CFAP77: variants seen among roughly 807,000 people sequenced by gnomAD.
CFAP77 encodes cilia- and flagella-associated protein 77.
CFAP77 carries 25 observed loss-of-function variants against 31.1 expected under a neutral mutation model. The ratio of observed to expected loss-of-function variants is 0.80; its 90% CI spans 0.59 to 1.12. CFAP77 has a LOEUF of 1.12. Among genes scored for constraint, CFAP77 ranks in the 50% most tolerant of loss-of-function variants. CFAP77 has a pLI of 0.00. For synonymous variants in CFAP77, 151 were observed against 159.9 expected (o/e 0.94, Z 0.42); for missense variants, 377 against 397.3 (o/e 0.95, Z 0.44).
At chr9:132,435,060 G>A (rs190104123) in intron 1 of CFAP77, among the ~76,000 whole-genome samples, 1 of 152,228 alleles carries the variant, frequency 6.6e-6, no homozygotes, top group Non-Finnish European at 1.5e-5. Flanking sequence ...ATGGACTCAA[G>A]TGGATCCCTT....
intron 1 of CFAP77, among the ~76,000 whole-genome samples, chr9:132,444,810 A>G (rs1427584978): frequency 6.6e-6 from 1 of 152,178 alleles, no homozygotes; most frequent in Non-Finnish European, 1.5e-5. Context: ...GTTACGTGGC[A>G]TTAAATGCTG....
At position 132,481,755 on chromosome 9, in the gene CFAP77, G is replaced by T. The variant is rs530883913; in HGVS notation, c.196-16940G>T. Among the ~76,000 whole-genome samples the T allele has an allele frequency of 8.5e-5, 13 of 152,170 alleles. No individual in the cohort carries two copies. The highest frequency in any genetic ancestry group is 1.9e-4 in the Non-Finnish European group (13 of 68,032). On this transcript the variant is annotated intron_variant, in intron 1 of 5. Coordinates refer to ENST00000393216, the MANE Select transcript of CFAP77 (RefSeq NM_001282957.2). This position sits in a 1 kb window ranked among gnomAD's most constrained non-coding sequence, Gnocchi z 5.0. ...TATTAACAGGCTTCGTTTTAGGGAC[G>T]CCTCCTCCGCCTCAGCTATCTGCTA...
At chr9:132,486,004 A>ATGTGTG (rs1342903703) in intron 1 of CFAP77, among the ~76,000 whole-genome samples, 335 of 10,646 alleles carry the variant, frequency 0.031, 44 homozygotes, top group East Asian at 0.096. Context: ...ATATATATAT[A>ATGTGTG]TATATATATA....
intron 1 of CFAP77, among the ~76,000 whole-genome samples, chr9:132,476,754 C>T (rs867793793): frequency 6.6e-6 from 1 of 152,068 alleles, no homozygotes; most frequent in Non-Finnish European, 1.5e-5. Context: ...AGCCACAAGC[C>T]AAGGAGCACC....
chr9:132,505,870 A>G (rs906760775), intron 3 of CFAP77, among the ~76,000 whole-genome samples: 7 of 152,056 alleles, frequency 4.6e-5, no homozygotes, highest in Non-Finnish European at 8.8e-5. Flanking sequence ...GATTGTCTCG[A>G]TCCCTCAGCT....
intron 1 of CFAP77, among the ~76,000 whole-genome samples, chr9:132,444,077 C>G (rs1438182270): frequency 6.6e-6 from 1 of 152,250 alleles, no homozygotes; most frequent in Non-Finnish European, 1.5e-5. Context: ...GAGCAGCCAC[C>G]AGGGTGAAGG....
At chr9:132,546,630 C>A (rs1852736292) in intron 5 of CFAP77, among the ~76,000 whole-genome samples, 1 of 152,250 alleles carries the variant, frequency 6.6e-6, no homozygotes. Context: ...ACCCGGGCCA[C>A]TTACAGGGTC....
At chr9:132,457,309 T>TGGGGGGGGGGGGGGGGGG (rs5900982) in intron 1 of CFAP77, among the ~76,000 whole-genome samples, 3 of 51,918 alleles carry the variant, frequency 5.8e-5, no homozygotes, top group African/African-American at 3.5e-4. Context: ...GGGACGGGGG[T>TGGGGGGGGGGGGGGGGGG]GGGGGGGCGG....
Position 132,490,287 on chromosome 9 carries a change from G to A in CFAP77, c.196-8408G>A, listed in dbSNP as rs1035376805. ...TAAGTTTCAGCATGACTTTGGAGGC[G>A]ATAAAAACATTCAGACCATAGCACC... On this transcript the variant is annotated intron_variant, in intron 1 of 5. Transcript: ENST00000393216. This position sits in a 1 kb window ranked among gnomAD's most constrained non-coding sequence, Gnocchi z 4.6. 3.9e-5 allele frequency among the ~76,000 whole-genome samples: 6 copies of A among 152,118 alleles called. No individual in the cohort carries two copies. Among genetic ancestry groups the A allele is most frequent in the African/African-American group, 9.7e-5 (4 of 41,408 alleles).
intron 1 of CFAP77, among the ~76,000 whole-genome samples, chr9:132,437,496 CTTTTGCATTTTTTTTTTT>C (rs1850523663): frequency 7.0e-6 from 1 of 143,840 alleles, no homozygotes; most frequent in Non-Finnish European, 1.5e-5. Context: ...GGCGGGACCA[CTTTTGCATTTTTTTTTTT>C]TTTTTTTTTT....
intron 1 of CFAP77, among the ~76,000 whole-genome samples, chr9:132,411,499 G>A (rs1034423305): frequency 1.3e-5 from 2 of 152,204 alleles, no homozygotes; most frequent in East Asian, 1.9e-4. Context: ...CCTGAGAGGA[G>A]GAAGGATACT....
intron 1 of CFAP77, among the ~76,000 whole-genome samples, chr9:132,462,826 A>G (rs1158015890): frequency 6.6e-6 from 1 of 151,402 alleles, no homozygotes; most frequent in Non-Finnish European, 1.5e-5. Flanking sequence ...CAAAATAAAA[A>G]TAAAATAAAA....
At chr9:132,451,366 A>G (rs1480613734) in intron 1 of CFAP77, among the ~76,000 whole-genome samples, 1 of 151,206 alleles carries the variant, frequency 6.6e-6, no homozygotes, top group African/African-American at 2.4e-5. Context: ...AAGAAAGATC[A>G]TGAATTGGAT....
At chr9:132,555,788 A>G (rs2119090355) in intron 5 of CFAP77, among the ~76,000 whole-genome samples, 1 of 152,276 alleles carries the variant, frequency 6.6e-6, no homozygotes, top group African/African-American at 2.4e-5. Context: ...TTGTCTTGTC[A>G]GAGAAGCAGA....
At chr9:132,479,313 T>C (rs1851404846) in intron 1 of CFAP77, among the ~76,000 whole-genome samples, 1 of 152,090 alleles carries the variant, frequency 6.6e-6, no homozygotes, top group Non-Finnish European at 1.5e-5. Context: ...CTCAGGGAGC[T>C]CAGACCTTTT....
chr9:132,508,837 CAG>C (rs1740126372), intron 3 of CFAP77, among the ~76,000 whole-genome samples: 1 of 152,172 alleles, frequency 6.6e-6, no homozygotes, highest in African/African-American at 2.4e-5. Flanking sequence ...AACTGAGGCT[CAG>C]AGACAGTCAC....
intron 1 of CFAP77, among the ~76,000 whole-genome samples, chr9:132,417,121 T>TC (rs1211213888): frequency 6.7e-6 from 1 of 150,352 alleles, no homozygotes; most frequent in African/African-American, 2.4e-5. Flanking sequence ...TTTTTTTCTT[T>TC]TTTTTTTTTT....
At chr9:132,492,055 A>G (rs999328971) in intron 1 of CFAP77, among the ~76,000 whole-genome samples, 2 of 152,208 alleles carry the variant, frequency 1.3e-5, no homozygotes, top group East Asian at 1.9e-4. Context: ...TGGGAGGCCA[A>G]GGCGGGAGGA....
In CFAP77 at chr9:132,551,493, G is replaced by C. The variant is rs540808764; in HGVS notation, c.732+8446G>C. ...GTATTTTTAGTAGAGACAGGGTTTTGCCATGTTGGCCAGGCTGGTCTCGAA... is the reference window on the plus strand; with the variant it reads ...GTATTTTTAGTAGAGACAGGGTTTTCCCATGTTGGCCAGGCTGGTCTCGAA... On this transcript the variant is annotated intron_variant, in intron 5 of 5. Coordinates refer to ENST00000393216, the MANE Select transcript of CFAP77 (RefSeq NM_001282957.2). Among the ~76,000 whole-genome samples, 3 of 152,128 alleles carry C rather than the reference G, an allele frequency of 2.0e-5. No homozygotes were observed. The South Asian group carries it at 6.2e-4, about 32-fold the overall frequency.
Sources: allele counts gnomAD v4.1 joint callset (sites outside exome capture counted in the v4.1 genomes callset), GRCh38; gene constraint gnomAD v4.1.1; non-coding constraint Gnocchi (gnomAD v3.1); transcripts MANE v1.5; gene names NCBI Gene and HGNC (gene_info 2026-07-23, HGNC 2026-07-21).